Variants in ZNF84 observed in about 807,000 individuals in gnomAD.
The protein encoded by ZNF84 is zinc finger protein HPF2.
In ZNF84, 12 loss-of-function variants were observed where a neutral mutation model predicts 14.8. That is an observed-to-expected ratio of 0.81 (90% CI 0.52 to 1.31). The LOEUF (loss-of-function observed/expected upper bound fraction) is 1.31. Ranked by LOEUF, ZNF84 falls within the 50% of genes most tolerant of loss-of-function variation. The pLI is 0.00. For synonymous variants in ZNF84, 347 were observed against 291.1 expected, an observed-to-expected ratio of 1.19 and a Z score of -1.96; for missense variants, 859 against 878.6, an observed-to-expected ratio of 0.98 and a Z score of 0.28.
intron 4 of ZNF84, among the ~76,000 whole-genome samples, chr12:133,054,861 G>A (rs1472314932): frequency 6.6e-6 from 1 of 151,902 alleles, no homozygotes; most frequent in Non-Finnish European, 1.5e-5. Context: ...CACATTATAT[G>A]AGCCAAATAC....
chr12:133,038,074 C>T (rs1362226520), intron 1 of ZNF84: 3 of 152,034 alleles, frequency 2.0e-5, no homozygotes, highest in Non-Finnish European at 4.4e-5. Context: ...AGCGAAATCT[C>T]CCCTCAAATT....
intron 2 of ZNF84, among the ~76,000 whole-genome samples, chr12:133,043,675 T>G (rs1324610338): frequency 1.3e-5 from 2 of 152,216 alleles, no homozygotes; most frequent in Non-Finnish European, 2.9e-5. Flanking sequence ...TTTTGTTATT[T>G]GAAAGAATTT....
At chr12:133,043,484 A>T (rs1210296511) in intron 2 of ZNF84, among the ~76,000 whole-genome samples, 1 of 151,818 alleles carries the variant, frequency 6.6e-6, no homozygotes, top group African/African-American at 2.4e-5. Context: ...TTTTTAAATG[A>T]TCATTGCATA....
intron 2 of ZNF84, among the ~76,000 whole-genome samples, chr12:133,045,094 G>C (rs1157452765): frequency 5.3e-5 from 8 of 152,054 alleles, no homozygotes; most frequent in African/African-American, 1.9e-4. Context: ...TCTAGTTTTA[G>C]AAGATTTTCC....
intron 2 of ZNF84, among the ~76,000 whole-genome samples, chr12:133,046,347 GTTTTTTTTTTTTTTT>G (rs58214468): frequency 2.6e-5 from 3 of 116,406 alleles, no homozygotes; most frequent in African/African-American, 3.6e-5. Context: ...AGTCCTCACA[GTTTTTTTTTTTTTTT>G]TTTTTTTTTT....
In ZNF84 at chr12:133,057,963, G is replaced by A. The variant is rs937753611; in HGVS notation, c.1248G>A (p.Ser416=). 44 of 1,613,078 alleles carry A rather than the reference G, an allele frequency of 2.7e-5. No homozygotes were observed. The highest frequency in any genetic ancestry group is 1.5e-4 in the South Asian group (14 of 91,012). The change falls in exon 5 of 5, where the codon TCG becomes TCA. Residue 416 remains serine, a synonymous_variant. Coordinates refer to ENST00000539354, the MANE Select transcript of ZNF84 (RefSeq NM_001289971.2). ...SECRKAFRER[S]SLINHQRTHT... ...GTAGGAAAGCATTTAGAGAGAGGTC[G>A]AGTCTCATTAATCATCAGAGAACAC...
In ZNF84 at chr12:133,057,563, G is replaced by GGACA; in HGVS notation, c.849_852dup (p.His285AspfsTer9). 6.2e-7 allele frequency: 1 copy of GGACA among 1,614,066 alleles called. No homozygotes were observed. Among genetic ancestry groups the GGACA allele is most frequent in the Non-Finnish European group, 8.5e-7 (1 of 1,180,018 alleles). ...AAGTCACAGCTCACATCCCATCAGC[G>GGACA]GACACATACAGGAGAGAAACCTTAT... On this transcript the variant is annotated frameshift_variant, in exon 5 of 5. Coordinates refer to ENST00000539354, the MANE Select transcript of ZNF84 (RefSeq NM_001289971.2). LOFTEE classifies it low-confidence loss of function (END_TRUNC).
In ZNF84 at chr12:133,062,423, T is replaced by G. The variant is rs978839458; in HGVS notation, c.*3491T>G. 6.6e-6 allele frequency: 1 copy of G among 152,236 alleles called. No homozygotes were observed. Among genetic ancestry groups the G allele is most frequent in the East Asian group, 1.9e-4 (1 of 5,194 alleles). The allele number at this position is 152,236 out of a possible 1,614,324, so 9.4% of individuals were successfully genotyped here. On this transcript the variant is annotated 3_prime_UTR_variant, in exon 5 of 5. Transcript: ENST00000539354. ...TAGCAAAATCTACAGCAGTAGGCAT[T>G]TGGAATCTGCATTTGAGACCTCTGC...
At chr12:133,050,939 A>G (rs965504975) in intron 4 of ZNF84, among the ~76,000 whole-genome samples, 26 of 152,122 alleles carry the variant, frequency 1.7e-4, no homozygotes, top group Non-Finnish European at 3.5e-4. Flanking sequence ...CTTTGTTTTT[A>G]TAGACAGGGT....
At chr12:133,051,897 A>G (rs1954076037) in intron 4 of ZNF84, among the ~76,000 whole-genome samples, 1 of 152,152 alleles carries the variant, frequency 6.6e-6, no homozygotes, top group African/African-American at 2.4e-5. Context: ...TTCTATCTAG[A>G]CTACTTCAGA....
chr12:133,038,617 T>C (rs1431332646), intron 1 of ZNF84, among the ~76,000 whole-genome samples: 1 of 124,946 alleles, frequency 8.0e-6, no homozygotes, highest in Non-Finnish European at 1.7e-5. Flanking sequence ...ACATAAACTT[T>C]AGAATTTTGA....
Position 133,063,258 on chromosome 12 carries a change from GA to G in ZNF84, c.*4327del. The G allele has an allele frequency of 1.4e-6, 1 of 702,264 alleles. No homozygotes were observed. The highest frequency in any genetic ancestry group is 2.0e-5 in the Admixed American group (1 of 50,004). The allele number at this position is 702,264 out of a possible 1,614,324, so 43.5% of individuals were successfully genotyped here. A position where few individuals can be genotyped will look rare whatever the true frequency, so the allele number is the denominator to read the frequency against. On this transcript the variant is annotated 3_prime_UTR_variant, in exon 5 of 5. Coordinates refer to ENST00000539354, the MANE Select transcript of ZNF84 (RefSeq NM_001289971.2). ...TGTCTTGATTGTTGAATTCTTCTGT[GA>G]GATACTCCAAATATCCTAATAAATT...
chr12:133,050,967 G>A (rs1954058352), intron 4 of ZNF84, among the ~76,000 whole-genome samples: 1 of 152,130 alleles, frequency 6.6e-6, no homozygotes, highest in South Asian at 2.1e-4. Context: ...TGTTGCCCAG[G>A]TTGCATTGCA....
chr12:133,048,612 G>A (rs931856314), intron 3 of ZNF84, 141 bp from the exon 4 acceptor site: 7 of 584,364 alleles, frequency 1.2e-5, no homozygotes, highest in East Asian at 6.1e-5. Flanking sequence ...AAGGGAGACC[G>A]TTACTGTAAC....
chr12:133,057,140 A>G lies in ZNF84; in HGVS notation c.425A>G (p.Asp142Gly). 4 of 1,611,760 alleles carry G rather than the reference A, an allele frequency of 2.5e-6. No homozygotes were observed. In the South Asian group the frequency reaches 4.4e-5, roughly 18 times the overall value. Residue 142 changes from aspartate (D) to glycine (G), a missense_variant, in exon 5 of 5, where the codon GAT becomes GGT. Asp to Gly is a moderately conservative substitution (Grantham distance 94). Coordinates refer to ENST00000539354, the MANE Select transcript of ZNF84 (RefSeq NM_001289971.2). ...LDGLILKHHL[D>G]LLIPKGDYGK... ...GGATTGATTTTAAAACATCATTTAG[A>G]TTTGCTTATTCCAAAAGGAGATTAT...
intron 4 of ZNF84, among the ~76,000 whole-genome samples, chr12:133,054,756 T>A (rs1279526365): frequency 6.6e-6 from 1 of 152,096 alleles, no homozygotes; most frequent in African/African-American, 2.4e-5. Flanking sequence ...TTTTTTTAAA[T>A]TTAATTTTTC....
rs1386268112 is a variant in ZNF84, at chr12:133,060,997, TAAAC to T, written c.*2068_*2071del. The T allele has an allele frequency of 2.6e-5, 4 of 152,240 alleles. No individual in the cohort carries two copies. The highest frequency in any genetic ancestry group is 6.5e-5 in the Admixed American group (1 of 15,280). The allele number at this position is 152,240 out of a possible 1,614,324, so 9.4% of individuals were successfully genotyped here. On this transcript the variant is annotated 3_prime_UTR_variant, in exon 5 of 5. Transcript: ENST00000539354. ...AGTATGGTATTTTGCACCTTTACCT[TAAAC>T]AATATTTTCTCCTTTAATTATTGAT... is the stretch of plus-strand genomic sequence containing the variant.
chr12:133,058,874 T>G lies in ZNF84; in HGVS notation c.2159T>G (p.Phe720Cys). ...PYRCIECGKAFSQKSQLINHQ... is the reference protein window; with the variant it reads ...PYRCIECGKACSQKSQLINHQ... ...CGATGCATTGAATGTGGGAAAGCTT[T>G]CTCACAGAAGTCACAGCTCATCAAT... is the stretch of plus-strand genomic sequence containing the variant. The change falls in exon 5 of 5, where the codon TTC becomes TGC. Residue 720 changes from phenylalanine (F) to cysteine (C), a missense_variant. Phe to Cys is a radical substitution (Grantham distance 205). Transcript: ENST00000539354. The G allele has an allele frequency of 6.2e-7, 1 of 1,613,366 alleles. No homozygotes were observed. The highest frequency in any genetic ancestry group is 1.1e-5 in the South Asian group (1 of 91,034).
In ZNF84 at chr12:133,058,399, C is replaced by T; in HGVS notation, c.1684C>T (p.Gln562Ter). The T allele has an allele frequency of 1.2e-6, 2 of 1,613,990 alleles. No homozygotes were observed. The highest frequency in any genetic ancestry group is 2.2e-5 in the East Asian group (1 of 44,850). ...TGAGAAGTCAAGTCTTGCAACTCATCAGAGAACTCATACTGGAGAAAAACC... is the reference window on the plus strand; with the variant it reads ...TGAGAAGTCAAGTCTTGCAACTCATTAGAGAACTCATACTGGAGAAAAACC... ...FGEKSSLATH[Q>*]RTHTGEKPYE... is the part of the protein sequence containing the mutation. Residue 562 changes from glutamine (Q) to a stop codon, truncating the protein, a stop_gained, in exon 5 of 5, where the codon CAG becomes TAG. Transcript: ENST00000539354. LOFTEE classifies it low-confidence loss of function (END_TRUNC).
Sources: allele counts gnomAD v4.1 joint callset (sites outside exome capture counted in the v4.1 genomes callset), GRCh38; gene constraint gnomAD v4.1.1; transcripts MANE v1.5; gene names NCBI Gene and HGNC (gene_info 2026-07-23, HGNC 2026-07-21).